The following ZNF148 variants were observed in gnomAD, a reference collection of about 807,000 sequenced individuals.
ZNF148 encodes Beta-Enolase Repressor Factor-1.
Under a neutral mutation model 67.7 loss-of-function variants are expected in ZNF148, and 7 were observed. The ratio of observed to expected loss-of-function variants is 0.10; its 90% CI spans 0.06 to 0.19. The LOEUF (loss-of-function observed/expected upper bound fraction) is 0.19. Ranked by LOEUF, ZNF148 falls within the 10% of genes least tolerant of loss-of-function variation. ZNF148 has a pLI of 1.00. For missense variants in ZNF148, 583 were observed against 947.1 expected (o/e 0.62, Z 5.05); for synonymous variants, 333 against 330.7 (o/e 1.01, Z -0.08).
At chr3:125,314,451 A>G (rs1940387536) in intron 3 of ZNF148, among the ~76,000 whole-genome samples, 1 of 152,198 alleles carries the variant, frequency 6.6e-6, no homozygotes, top group African/African-American at 2.4e-5. Context: ...TTCTTTCCCA[A>G]ATTAATCACC....
chr3:125,319,012 C>G (rs937958186), intron 3 of ZNF148, among the ~76,000 whole-genome samples: 1 of 152,108 alleles, frequency 6.6e-6, no homozygotes, highest in African/African-American at 2.4e-5. Flanking sequence ...CCAACCCCCC[C>G]ACACACCTAA....
chr3:125,342,741 C>T, intron 1 of ZNF148, among the ~76,000 whole-genome samples: 1 of 152,074 alleles, frequency 6.6e-6, no homozygotes, highest in Non-Finnish European at 1.5e-5. Flanking sequence ...ATAAACAAGA[C>T]TTTTTCTTGG....
chr3:125,282,768 T>C (rs1938458553), intron 5 of ZNF148, among the ~76,000 whole-genome samples: 1 of 152,128 alleles, frequency 6.6e-6, no homozygotes, highest in Admixed American at 6.5e-5. Flanking sequence ...CCCATTTTCA[T>C]CAGGCAAAGC....
At chr3:125,234,002 G>T in intron 8 of ZNF148, 63 bp from the exon 9 acceptor site, 1 of 1,511,724 alleles carries the variant, frequency 6.6e-7, no homozygotes, top group Non-Finnish European at 8.8e-7. Context: ...AAAAGAAAAA[G>T]TGAAACAAAA....
intron 7 of ZNF148, among the ~76,000 whole-genome samples, chr3:125,235,849 G>GA (rs1238855944): frequency 1.3e-5 from 2 of 148,542 alleles, no homozygotes; most frequent in Non-Finnish European, 3.0e-5. Flanking sequence ...CTATCACAAG[G>GA]ACAAAAAACC....
chr3:125,232,222 C>T lies in ZNF148; in HGVS notation c.*119G>A. ...TGGATTATCTTGCTATTCATATCAG[C>T]TTAACTTGTTATTACGCATTGCTCT... On this transcript the variant is annotated 3_prime_UTR_variant, in exon 9 of 9. Transcript: ENST00000360647. This position sits in a 1 kb window ranked among gnomAD's most constrained non-coding sequence, Gnocchi z 4.2. The T allele has an allele frequency of 1.6e-6, 2 of 1,220,814 alleles. No homozygotes were observed. The highest frequency in any genetic ancestry group is 2.7e-4 in the Middle Eastern group (1 of 3,684). 75.6% of individuals were successfully genotyped at this position (1,220,814 alleles called of 1,614,324 possible).
intron 7 of ZNF148, among the ~76,000 whole-genome samples, chr3:125,239,801 A>C (rs1259193294): frequency 1.3e-5 from 2 of 152,218 alleles, no homozygotes; most frequent in Non-Finnish European, 2.9e-5. Flanking sequence ...GACATATCCA[A>C]CTATAAAAAT....
chr3:125,233,497 G>C lies in ZNF148; in HGVS notation c.1229C>G (p.Thr410Arg). ...TTCATATGTGGATAAAGGTGAAATT[G>C]TTTGATTTTGCTCCAGTGGCTGTTT... Reference protein sequence around the residue: ...SLKQPLEQNQTISPLSTYEES... With the variant: ...SLKQPLEQNQRISPLSTYEES... Residue 410 changes from threonine to arginine, a missense_variant, in exon 9 of 9, where the codon ACA becomes AGA. Coordinates refer to ENST00000360647, the MANE Select transcript of ZNF148 (RefSeq NM_021964.3). The surrounding 1 kb of genome is among the most constrained non-coding windows in gnomAD (Gnocchi z 5.1). 1 of 1,613,874 alleles carries C rather than the reference G, an allele frequency of 6.2e-7. No homozygotes were observed. The highest frequency in any genetic ancestry group is 8.5e-7 in the Non-Finnish European group (1 of 1,179,922).
intron 7 of ZNF148, among the ~76,000 whole-genome samples, chr3:125,257,558 TA>T (rs747363908): frequency 2.2e-3 from 206 of 92,316 alleles, no homozygotes; most frequent in African/African-American, 5.7e-3. Flanking sequence ...CCGTCTCTAT[TA>T]AAAAAAAAAA....
rs936424319 is a variant in ZNF148, at chr3:125,229,558, C to T, written c.*2783G>A. 15 of 152,086 alleles carry T rather than the reference C, an allele frequency of 9.9e-5. No homozygotes were observed. Among genetic ancestry groups the T allele is most frequent in the Admixed American group, 3.3e-4 (5 of 15,252 alleles). 9.4% of individuals were successfully genotyped at this position (152,086 alleles called of 1,614,324 possible). On this transcript the variant is annotated 3_prime_UTR_variant, in exon 9 of 9. Transcript: ENST00000360647. ...AGAAGATGTTCAAGAGATACTGCCTCGCCTAACGTGATGTTTCCAATCTTC... is the reference window on the plus strand; with the variant it reads ...AGAAGATGTTCAAGAGATACTGCCTTGCCTAACGTGATGTTTCCAATCTTC...
rs549955491 is a variant in ZNF148 at position 125,277,334 on chromosome 3, T to C, written c.667+392A>G. On this transcript the variant is annotated intron_variant, in intron 7 of 8. Transcript: ENST00000360647. The stretch of plus-strand genomic sequence containing the variant: ...TAAGATTACATGTCTAAGGGTAAGG[T>C]ATATACATGAAAGGGAAAGAAAGAG... Among the ~76,000 whole-genome samples, 176 of 152,284 alleles carry C rather than the reference T, an allele frequency of 1.2e-3. 4 individuals carry two copies. The South Asian group carries it at 0.033, about 28-fold the overall frequency.
rs995890224 is a variant in ZNF148, at chr3:125,264,583, T to C, written c.667+13143A>G. 2.6e-5 allele frequency among the ~76,000 whole-genome samples: 4 copies of C among 152,234 alleles called. No homozygotes were observed. The East Asian group carries it at 7.7e-4, about 29-fold the overall frequency. ...ATTGACTATTGATGTTGATACCATG[T>C]AGGATTTCATTTGAGAATCAGAGTT... is the stretch of plus-strand genomic sequence containing the variant. On this transcript the variant is annotated intron_variant, in intron 7 of 8. Transcript: ENST00000360647.
chr3:125,305,177 G>A (rs981458244), intron 4 of ZNF148, among the ~76,000 whole-genome samples: 1 of 152,090 alleles, frequency 6.6e-6, no homozygotes, highest in African/African-American at 2.4e-5. Flanking sequence ...TCTGAATGAC[G>A]GCAAATAAAA....
intron 4 of ZNF148, among the ~76,000 whole-genome samples, chr3:125,307,428 G>A (rs1183636903): frequency 1.3e-5 from 2 of 151,310 alleles, no homozygotes; most frequent in Non-Finnish European, 1.5e-5. Context: ...CTCAGCCTCC[G>A]AGTAGCTGGG....
chr3:125,372,149 T>C (rs1254922448), intron 1 of ZNF148, among the ~76,000 whole-genome samples: 1 of 152,084 alleles, frequency 6.6e-6, no homozygotes, highest in Non-Finnish European at 1.5e-5. Context: ...TCTTCATCTC[T>C]AACAAGCAAA....
intron 4 of ZNF148, among the ~76,000 whole-genome samples, chr3:125,288,915 C>T (rs542989329): frequency 1.1e-4 from 17 of 152,240 alleles, no homozygotes; most frequent in African/African-American, 4.1e-4. Flanking sequence ...CTAGAAGAAA[C>T]ATTAAGATTT....
At chr3:125,314,700 G>T (rs539142137) in intron 3 of ZNF148, among the ~76,000 whole-genome samples, 126 of 152,234 alleles carry the variant, frequency 8.3e-4, no homozygotes, top group Admixed American at 1.4e-3. Flanking sequence ...AATATATACA[G>T]TATATCTGTA....
At chr3:125,371,195 A>T (rs1293336634) in intron 1 of ZNF148, among the ~76,000 whole-genome samples, 1 of 134,540 alleles carries the variant, frequency 7.4e-6, no homozygotes, top group Non-Finnish European at 1.7e-5. Flanking sequence ...TCTATAAAAA[A>T]TACAAAAAAA....
intron 4 of ZNF148, among the ~76,000 whole-genome samples, chr3:125,293,099 T>C (rs1005882656): frequency 6.6e-6 from 1 of 152,200 alleles, no homozygotes; most frequent in Non-Finnish European, 1.5e-5. Context: ...ACATAAAACT[T>C]TAAATTTCTC....
Sources: allele counts gnomAD v4.1 joint callset (sites outside exome capture counted in the v4.1 genomes callset), GRCh38; gene constraint gnomAD v4.1.1; non-coding constraint Gnocchi (gnomAD v3.1); transcripts MANE v1.5; gene names NCBI Gene and HGNC (gene_info 2026-07-23, HGNC 2026-07-21).